The following QRICH1 variants were observed in gnomAD, a reference collection of about 807,000 sequenced individuals.
The protein encoded by QRICH1 is glutamine rich 1.
QRICH1 carries 16 observed loss-of-function variants against 87.1 expected under a neutral mutation model. That is an observed-to-expected ratio of 0.18 (90% confidence interval 0.12 to 0.28). The LOEUF is 0.28. Ranked by LOEUF, QRICH1 falls within the 10% of genes least tolerant of loss-of-function variation. The pLI, the probability that QRICH1 is intolerant of heterozygous loss-of-function variation, is 1.00. For synonymous variants in QRICH1, 367 were observed against 368.4 expected (o/e 1.00, Z 0.05); for missense variants, 647 against 951.7 (o/e 0.68, Z 4.21).
At chr3:49,045,896 T>C (rs1468766538) in intron 5 of QRICH1, among the ~76,000 whole-genome samples, 1 of 150,900 alleles carries the variant, frequency 6.6e-6, no homozygotes, top group Non-Finnish European at 1.5e-5. Context: ...GCCTGGCTCT[T>C]ATTTTTTTTC....
Position 49,057,613 on chromosome 3 carries a change from T to G in QRICH1, c.587A>C (p.Gln196Pro). The G allele has an allele frequency of 6.2e-7, 1 of 1,614,186 alleles. No homozygotes were observed. The highest frequency in any genetic ancestry group is 1.1e-5 in the South Asian group (1 of 91,082). ...AGACTGGCCAGCCACCAGCTGAGCC[T>G]GGATTTGCTGATGTGGGATGTGCTC... ...PEEHIPHQQI[Q>P]AQLVAGQSLA... The change falls in exon 3 of 10, where the codon CAG becomes CCG. Residue 196 changes from glutamine to proline, a missense_variant. Physicochemically the swap from Gln to Pro is moderately conservative, Grantham distance 76 (BLOSUM62 -1). Around this residue, in one of 7 missense-constraint regions of QRICH1, gnomAD observed 156 missense variants for 164.5 expected, o/e 0.95. Transcript: ENST00000395443. The surrounding 1 kb of genome is among the most constrained non-coding windows in gnomAD (Gnocchi z 5.4).
At chr3:49,059,128 A>AT (rs1164742978) in intron 2 of QRICH1, among the ~76,000 whole-genome samples, 265 of 145,696 alleles carry the variant, frequency 1.8e-3, no homozygotes, top group African/African-American at 6.4e-3. Context: ...CACCCGGCTA[A>AT]TTTTTTTTTT....
chr3:49,042,676 G>A (rs960484279), intron 6 of QRICH1, among the ~76,000 whole-genome samples: 1 of 151,308 alleles, frequency 6.6e-6, no homozygotes, highest in Non-Finnish European at 1.5e-5. Context: ...TGGTTCAAGC[G>A]ATTCTCCTAC....
chr3:49,046,664 T>A, intron 4 of QRICH1, 85 bp from the exon 5 acceptor site: 6 of 1,454,746 alleles, frequency 4.1e-6, no homozygotes, highest in Non-Finnish European at 5.6e-6. Flanking sequence ...ATCAGGGTGC[T>A]GGGATAGAAA....
chr3:49,080,519 G>T (rs891747937), intron 1 of QRICH1, among the ~76,000 whole-genome samples: 2 of 151,572 alleles, frequency 1.3e-5, no homozygotes, highest in African/African-American at 4.8e-5. Flanking sequence ...AAAAAAACAA[G>T]AAAAAAGAAA....
chr3:49,086,251 TTTTC>T (rs1044239157), intron 1 of QRICH1, among the ~76,000 whole-genome samples: 5 of 149,242 alleles, frequency 3.4e-5, no homozygotes, highest in South Asian at 2.1e-4. Flanking sequence ...ATCTCCCTCT[TTTTC>T]TTTTTCTTTT....
intron 1 of QRICH1, among the ~76,000 whole-genome samples, chr3:49,079,079 A>G (rs1457417353): frequency 6.6e-6 from 1 of 152,120 alleles, no homozygotes; most frequent in Non-Finnish European, 1.5e-5. Flanking sequence ...CAAAAAATAT[A>G]TAAAAATTAA....
chr3:49,054,858 C>T (rs894170002), intron 3 of QRICH1, among the ~76,000 whole-genome samples: 8 of 152,134 alleles, frequency 5.3e-5, no homozygotes, highest in Non-Finnish European at 7.4e-5. Flanking sequence ...ATTATGATCA[C>T]TACCATACTC....
chr3:49,040,163 A>T (rs1437319013), intron 6 of QRICH1, among the ~76,000 whole-genome samples: 1 of 152,256 alleles, frequency 6.6e-6, no homozygotes, highest in Non-Finnish European at 1.5e-5. Context: ...TTCCATAATA[A>T]CAGACTGAAA....
At chr3:49,059,731 T>C (rs1247503489) in intron 2 of QRICH1, among the ~76,000 whole-genome samples, 1 of 149,326 alleles carries the variant, frequency 6.7e-6, no homozygotes, top group African/African-American at 2.5e-5. Flanking sequence ...CTTATTTATT[T>C]ATTTTCTGAG....
At chr3:49,074,846 G>A (rs1575370674) in intron 2 of QRICH1, among the ~76,000 whole-genome samples, 2 of 151,780 alleles carry the variant, frequency 1.3e-5, no homozygotes, top group Non-Finnish European at 2.9e-5. Flanking sequence ...GGGCGTGGTG[G>A]CAGCTGCCTG....
intron 1 of QRICH1, among the ~76,000 whole-genome samples, chr3:49,091,133 G>C (rs2042268177): frequency 6.6e-6 from 1 of 152,214 alleles, no homozygotes; most frequent in Non-Finnish European, 1.5e-5. Context: ...TGAGGCAGGA[G>C]AATGGCGTGA....
At chr3:49,040,737 A>G (rs574614516) in intron 6 of QRICH1, among the ~76,000 whole-genome samples, 27 of 152,334 alleles carry the variant, frequency 1.8e-4, no homozygotes, top group African/African-American at 6.5e-4. Context: ...CTGAATGTCA[A>G]GGAATGCAAC....
chr3:49,077,863 C>T (rs2041980866), intron 1 of QRICH1, among the ~76,000 whole-genome samples: 1 of 152,112 alleles, frequency 6.6e-6, no homozygotes, highest in Non-Finnish European at 1.5e-5. Context: ...GTAAATAGTG[C>T]TTTAAATATC....
At chr3:49,066,082 C>T (rs571026475) in intron 2 of QRICH1, among the ~76,000 whole-genome samples, 56 of 152,064 alleles carry the variant, frequency 3.7e-4, no homozygotes, top group Non-Finnish European at 6.6e-4. Flanking sequence ...CTCAGGAGTT[C>T]GAGACCAGCC....
rs927194589 is a variant in QRICH1 at position 49,044,567 on chromosome 3, T to C, written c.1672-63A>G. 9.8e-6 allele frequency: 12 copies of C among 1,219,494 alleles called. No homozygotes were observed. The African/African-American group carries it at 1.7e-4, about 17-fold the overall frequency. 75.5% of individuals were successfully genotyped at this position (1,219,494 alleles called of 1,614,324 possible). On this transcript the variant is annotated intron_variant, in intron 5 of 9. Transcript: ENST00000395443. ...TCCTGAACAAGGATTTCAGGGGAAATAAATATATTTTTCTACCAGTACTAC... is the reference window on the plus strand; with the variant it reads ...TCCTGAACAAGGATTTCAGGGGAAACAAATATATTTTTCTACCAGTACTAC...
Position 49,057,797 on chromosome 3 carries a change from C to T in QRICH1, c.403G>A (p.Val135Ile), listed in dbSNP as rs1460820494. ...VHQPTEQPIQ[V>I]QVQIQGQAPQ... ...GCCTGGCCTTGGATCTGCACCTGGACCTGGATGGGTTGCTCAGTAGGCTGG... is the reference window on the plus strand; with the variant it reads ...GCCTGGCCTTGGATCTGCACCTGGATCTGGATGGGTTGCTCAGTAGGCTGG... The change falls in exon 3 of 10, where the codon GTC (valine) becomes ATC (isoleucine). Residue 135 changes from valine (V) to isoleucine (I), a missense_variant. Val to Ile is a conservative substitution (Grantham distance 29). Transcript: ENST00000395443. This position sits in a 1 kb window ranked among gnomAD's most constrained non-coding sequence, Gnocchi z 5.4. 1.2e-6 allele frequency: 2 copies of T among 1,613,960 alleles called. No individual in the cohort carries two copies. Among genetic ancestry groups the T allele is most frequent in the Non-Finnish European group, 1.7e-6 (2 of 1,180,030 alleles).
chr3:49,038,483 G>A (rs1468373691), intron 6 of QRICH1, among the ~76,000 whole-genome samples: 1 of 151,364 alleles, frequency 6.6e-6, no homozygotes, highest in Non-Finnish European at 1.5e-5. Flanking sequence ...TGTGATCTCG[G>A]CTCACTGCAA....
At chr3:49,068,494 T>G (rs2093481222) in intron 2 of QRICH1, among the ~76,000 whole-genome samples, 1 of 148,050 alleles carries the variant, frequency 6.8e-6, no homozygotes, top group Admixed American at 6.8e-5. Flanking sequence ...TAGTTGGGCG[T>G]AGTAGCTGTA....
Sources: allele counts gnomAD v4.1 joint callset (sites outside exome capture counted in the v4.1 genomes callset), GRCh38; gene constraint gnomAD v4.1.1; regional missense constraint gnomAD v4.1.1; non-coding constraint Gnocchi (gnomAD v3.1); transcripts MANE v1.5; gene names NCBI Gene and HGNC (gene_info 2026-07-23, HGNC 2026-07-21).